The following RNF216 variants were observed in gnomAD, a reference collection of about 807,000 sequenced individuals.
The protein encoded by RNF216 is ring finger protein 216.
In RNF216, 72 loss-of-function variants were observed where a neutral mutation model predicts 110.8. The ratio of observed to expected loss-of-function variants is 0.65; its 90% CI spans 0.54 to 0.79. The LOEUF is 0.79. Ranked by LOEUF, RNF216 falls within the 30% of genes least tolerant of loss-of-function variation. The pLI, the probability that RNF216 is intolerant of heterozygous loss-of-function variation, is 0.00. For missense variants in RNF216, 1,342 were observed against 1,141.2 expected (o/e 1.18, Z -2.54); for synonymous variants, 495 against 407.5 (o/e 1.21, Z -2.59).
chr7:5,633,524 G>A lies in RNF216; in HGVS notation c.2382+7630C>T, dbSNP rs374463957. ...CAGTAGGTTCAGGCTGCAGTGAGCC[G>A]AGATCACATCACTGCACTCCAGCCT... is the stretch of plus-strand genomic sequence containing the variant. On this transcript the variant is annotated intron_variant, in intron 15 of 16. Coordinates refer to ENST00000389902, the MANE Select transcript of RNF216 (RefSeq NM_207111.4). Among the ~76,000 whole-genome samples, 243 of 152,192 alleles carry A rather than the reference G, an allele frequency of 1.6e-3. 1 individual carries two copies. The highest frequency in any genetic ancestry group is 5.3e-3 in the African/African-American group (222 of 41,540).
intron 13 of RNF216, among the ~76,000 whole-genome samples, chr7:5,672,039 C>A (rs971300450): frequency 5.9e-5 from 9 of 152,154 alleles, no homozygotes; most frequent in Non-Finnish European, 1.3e-4. Flanking sequence ...CCGAGCTGAC[C>A]AAGACAGTGG....
intron 4 of RNF216, among the ~76,000 whole-genome samples, chr7:5,740,018 C>G (rs369172733): frequency 4.0e-4 from 60 of 148,506 alleles, no homozygotes; most frequent in African/African-American, 1.5e-3. Context: ...AAAAACAAAC[C>G]AAAAACAAAA....
chr7:5,726,570 A>C (rs1188404364), intron 7 of RNF216, among the ~76,000 whole-genome samples: 3 of 152,116 alleles, frequency 2.0e-5, no homozygotes, highest in Non-Finnish European at 4.4e-5. Flanking sequence ...AAATGTGTTC[A>C]AATCAGGGTG....
rs542271785 is a variant in RNF216 at position 5,739,133 on chromosome 7, G to T, written c.1121+143C>A. 17 of 966,976 alleles carry T rather than the reference G, an allele frequency of 1.8e-5. No homozygotes were observed. The East Asian group carries it at 4.7e-4, about 27-fold the overall frequency. The allele number at this position is 966,976 out of a possible 1,614,324, so 59.9% of individuals were successfully genotyped here. The stretch of plus-strand genomic sequence containing the variant: ...AGATGAAAGAGTTCTGAAGATGGAT[G>T]GTGGTGATAGTTGCATAATAATGTG... On this transcript the variant is annotated intron_variant, in intron 5 of 16. Coordinates refer to ENST00000389902, the MANE Select transcript of RNF216 (RefSeq NM_207111.4).
intron 1 of RNF216, among the ~76,000 whole-genome samples, chr7:5,772,438 G>T (rs892136623): frequency 6.6e-6 from 1 of 152,108 alleles, no homozygotes; most frequent in Admixed American, 6.6e-5. Flanking sequence ...TGTGCTTCTT[G>T]CTGTGTCACC....
At chr7:5,744,785 C>G (rs1794947583) in intron 3 of RNF216, among the ~76,000 whole-genome samples, 1 of 152,060 alleles carries the variant, frequency 6.6e-6, no homozygotes, top group African/African-American at 2.4e-5. Flanking sequence ...CCAGCCTGAC[C>G]AACATGGTGA....
chr7:5,725,185 T>C (rs990577743), intron 8 of RNF216, 139 bp downstream of exon 8: 14 of 526,082 alleles, frequency 2.7e-5, no homozygotes, highest in African/African-American at 2.3e-4. Flanking sequence ...GCTGAGAAAA[T>C]AGTTCCTGTC....
Position 5,769,255 on chromosome 7 carries a change from C to G in RNF216, c.-69-8117G>C, listed in dbSNP as rs550438672. ...GCCTCAGCCTCCCGAGTAGCTGGGA[C>G]TACAGGCGTGCGCCACCACGCCCAG... On this transcript the variant is annotated intron_variant, in intron 1 of 16. Transcript: ENST00000389902. Among the ~76,000 whole-genome samples, 368 of 151,782 alleles carry G rather than the reference C, an allele frequency of 2.4e-3. 2 individuals are homozygous for G. The highest frequency in any genetic ancestry group is 8.6e-3 in the African/African-American group (357 of 41,446).
chr7:5,719,878 T>A (rs1359275176), intron 9 of RNF216, among the ~76,000 whole-genome samples: 1 of 152,248 alleles, frequency 6.6e-6, no homozygotes, highest in African/African-American at 2.4e-5. Flanking sequence ...TACCTGGATA[T>A]AAGACAAGCT....
At chr7:5,732,081 C>T (rs1260941527) in intron 5 of RNF216, among the ~76,000 whole-genome samples, 1 of 152,160 alleles carries the variant, frequency 6.6e-6, no homozygotes, top group Non-Finnish European at 1.5e-5. Flanking sequence ...GAACACAACG[C>T]CTGAGGCCCA....
chr7:5,695,731 G>T (rs1202025329), intron 13 of RNF216, among the ~76,000 whole-genome samples: 1 of 152,194 alleles, frequency 6.6e-6, no homozygotes, highest in Non-Finnish European at 1.5e-5. Context: ...TGCACACCAG[G>T]CATTCACAGA....
In RNF216 at chr7:5,703,011, G is replaced by A. The variant is rs571382521; in HGVS notation, c.2061+8750C>T. Among the ~76,000 whole-genome samples, 5 of 152,202 alleles carry A rather than the reference G, an allele frequency of 3.3e-5. No individual in the cohort carries two copies. In the East Asian group the frequency reaches 7.7e-4, roughly 24 times the overall value. On this transcript the variant is annotated intron_variant, in intron 13 of 16. Coordinates refer to ENST00000389902, the MANE Select transcript of RNF216 (RefSeq NM_207111.4). Reference sequence around the variant, plus strand: ...TACCTGTAAGGGAGCGTCCTTCTGCGGCCTGAACCTGAAGCTCTTCAGAGG... The same window carrying A: ...TACCTGTAAGGGAGCGTCCTTCTGCAGCCTGAACCTGAAGCTCTTCAGAGG...
At chr7:5,645,825 A>C (rs961838545) in intron 14 of RNF216, among the ~76,000 whole-genome samples, 1 of 152,042 alleles carries the variant, frequency 6.6e-6, no homozygotes, top group African/African-American at 2.4e-5. Context: ...CCTGACCTCA[A>C]GTGATCCGCC....
At chr7:5,717,818 T>G (rs1423004552) in intron 9 of RNF216, among the ~76,000 whole-genome samples, 1 of 152,164 alleles carries the variant, frequency 6.6e-6, no homozygotes, top group Non-Finnish European at 1.5e-5. Context: ...AGTCTCACTT[T>G]GTCGCCCAGG....
At chr7:5,699,717 G>GGACAT (rs972888428) in intron 13 of RNF216, among the ~76,000 whole-genome samples, 27 of 152,346 alleles carry the variant, frequency 1.8e-4, no homozygotes, top group African/African-American at 6.5e-4. Context: ...CTGTTACACT[G>GGACAT]GACATGAAGG....
chr7:5,672,480 G>A (rs978359207), intron 13 of RNF216, among the ~76,000 whole-genome samples: 1 of 152,190 alleles, frequency 6.6e-6, no homozygotes, highest in Non-Finnish European at 1.5e-5. Flanking sequence ...AGTGCTTGTA[G>A]CATCAAGACA....
intron 2 of RNF216, among the ~76,000 whole-genome samples, chr7:5,756,108 G>A (rs537701363): frequency 3.7e-5 from 5 of 133,692 alleles, no homozygotes; most frequent in East Asian, 1.9e-4. Context: ...TTCTGCTCTC[G>A]TGATAGTGAG....
intron 13 of RNF216, among the ~76,000 whole-genome samples, chr7:5,663,282 TA>T (rs979276318): frequency 1.3e-4 from 20 of 151,688 alleles, no homozygotes; most frequent in African/African-American, 2.7e-4. Flanking sequence ...ATTCATCCAA[TA>T]AAAAAAAGTT....
intron 3 of RNF216, among the ~76,000 whole-genome samples, chr7:5,750,627 G>A (rs552477415): frequency 2.0e-5 from 3 of 152,212 alleles, no homozygotes; most frequent in Non-Finnish European, 4.4e-5. Flanking sequence ...CAAGGAATAA[G>A]TCTCATGCCT....
Sources: allele counts gnomAD v4.1 joint callset (sites outside exome capture counted in the v4.1 genomes callset), GRCh38; gene constraint gnomAD v4.1.1; transcripts MANE v1.5; gene names NCBI Gene and HGNC (gene_info 2026-07-23, HGNC 2026-07-21).